EDIL3: variants seen among roughly 807,000 people sequenced by gnomAD.
The protein encoded by EDIL3 is EGF like and discoidin domains 3.
Under a neutral mutation model 67.4 loss-of-function variants are expected in EDIL3, and 37 were observed. The ratio of observed to expected loss-of-function variants is 0.55; its 90% confidence interval spans 0.42 to 0.72. EDIL3 has a LOEUF of 0.72. Among genes scored for constraint, EDIL3 ranks in the 30% least tolerant of loss-of-function variants. The probability of loss-of-function intolerance (pLI) is 0.00; values close to 1 mark genes in which losing one functional copy is unlikely to be tolerated. For missense variants in EDIL3, 527 were observed against 586.3 expected, an observed-to-expected ratio of 0.90 and a Z score of 1.04; for synonymous variants, 195 against 196.3, an observed-to-expected ratio of 0.99 and a Z score of 0.05.
chr5:84,346,135 C>CTTTTTTTTTTTT (rs912729041), intron 1 of EDIL3, among the ~76,000 whole-genome samples: 3 of 122,906 alleles, frequency 2.4e-5, no homozygotes, highest in Non-Finnish European at 4.9e-5. Context: ...CTTTTTTTTT[C>CTTTTTTTTTTTT]TTTTTTTTTT....
At chr5:84,383,261 C>G (rs1417378293) in intron 1 of EDIL3, among the ~76,000 whole-genome samples, 1 of 152,086 alleles carries the variant, frequency 6.6e-6, no homozygotes, top group Non-Finnish European at 1.5e-5. Context: ...ACAGCTCCCA[C>G]TCGCCTCCCC....
At chr5:83,943,756 A>C (rs1178622501) in intron 10 of EDIL3, among the ~76,000 whole-genome samples, 188 bp from the exon 11 acceptor site, 1 of 152,082 alleles carries the variant, frequency 6.6e-6, no homozygotes. Context: ...TTAATGTTTA[A>C]AGAGTTAAAC....
At chr5:84,030,720 A>G (rs1156595239) in intron 9 of EDIL3, among the ~76,000 whole-genome samples, 3 of 152,158 alleles carry the variant, frequency 2.0e-5, no homozygotes, top group Non-Finnish European at 2.9e-5. Context: ...AAGGGCTGGG[A>G]AGCAATCACA....
chr5:83,942,068 C>G lies in EDIL3; in HGVS notation c.*1351G>C, dbSNP rs1010966972. ...TAATTTAAAACTCCAATAATTCTGT[C>G]TAAGCCTTATAAAATAAATACTTGT... On this transcript the variant is annotated 3_prime_UTR_variant, in exon 11 of 11. Coordinates refer to ENST00000296591, the MANE Select transcript of EDIL3 (RefSeq NM_005711.5). 6.6e-6 allele frequency: 1 copy of G among 151,970 alleles called. No homozygotes were observed. The highest frequency in any genetic ancestry group is 6.6e-5 in the Admixed American group (1 of 15,240). The allele number at this position is 151,970 out of a possible 1,614,324, so 9.4% of individuals were successfully genotyped here.
intron 6 of EDIL3, among the ~76,000 whole-genome samples, chr5:84,083,530 T>A (rs944849334): frequency 6.6e-6 from 1 of 152,182 alleles, no homozygotes; most frequent in Non-Finnish European, 1.5e-5. Flanking sequence ...AAGAGCAAGA[T>A]GTTTGTCTTC....
chr5:84,130,733 T>C (rs1254739852), intron 5 of EDIL3, among the ~76,000 whole-genome samples: 2 of 152,100 alleles, frequency 1.3e-5, no homozygotes, highest in Non-Finnish European at 2.9e-5. Flanking sequence ...AAACATTCAT[T>C]TGCTTGTCAT....
chr5:84,381,614 A>T (rs1748075938), intron 1 of EDIL3, among the ~76,000 whole-genome samples: 1 of 152,188 alleles, frequency 6.6e-6, no homozygotes, highest in Admixed American at 6.5e-5. Context: ...AAAAAAAGAA[A>T]ATGCAAATGC....
intron 9 of EDIL3, among the ~76,000 whole-genome samples, chr5:83,985,572 T>C (rs1242264361): frequency 6.6e-6 from 1 of 152,018 alleles, no homozygotes; most frequent in East Asian, 1.9e-4. Context: ...CTAAAATTTC[T>C]TGCTTATCTC....
At chr5:84,197,410 G>A (rs773183672) in intron 3 of EDIL3, among the ~76,000 whole-genome samples, 1 of 151,898 alleles carries the variant, frequency 6.6e-6, no homozygotes, top group Admixed American at 6.6e-5. Flanking sequence ...ACAGAAGAGG[G>A]AAATAACATG....
At chr5:84,178,406 G>C (rs1363164482) in intron 4 of EDIL3, among the ~76,000 whole-genome samples, 1 of 152,108 alleles carries the variant, frequency 6.6e-6, no homozygotes, top group Non-Finnish European at 1.5e-5. Flanking sequence ...AGCAATCCTT[G>C]CAAGAGTTTA....
chr5:84,310,198 A>G (rs1464250196), intron 1 of EDIL3, among the ~76,000 whole-genome samples: 1 of 152,248 alleles, frequency 6.6e-6, no homozygotes, highest in Non-Finnish European at 1.5e-5. Context: ...TTTAGAAAAT[A>G]CTTTTCAGCT....
intron 1 of EDIL3, among the ~76,000 whole-genome samples, chr5:84,376,998 A>C (rs1747980740): frequency 6.6e-6 from 1 of 152,234 alleles, no homozygotes. Context: ...TTAAAATTAA[A>C]GTTCATATAG....
intron 1 of EDIL3, among the ~76,000 whole-genome samples, chr5:84,370,595 G>A (rs148346706): frequency 7.2e-5 from 11 of 152,214 alleles, no homozygotes; most frequent in Non-Finnish European, 1.0e-4. Context: ...AATAAATAAA[G>A]TTTACTGTCT....
chr5:84,384,385 C>A lies in EDIL3; in HGVS notation c.-11G>T. On this transcript the variant is annotated 5_prime_UTR_variant, in exon 1 of 11. Coordinates refer to ENST00000296591, the MANE Select transcript of EDIL3 (RefSeq NM_005711.5). ...TACCGAGCGCTTCATGATCCCGTCT[C>A]CCGGACGTGACCCCGGCTGGTCAGG... is the stretch of plus-strand genomic sequence containing the variant. 1 of 1,612,234 alleles carries A rather than the reference C, an allele frequency of 6.2e-7. No homozygotes were observed. Among genetic ancestry groups the A allele is most frequent in the African/African-American group, 1.3e-5 (1 of 74,928 alleles).
chr5:84,207,308 A>G (rs1239297389), intron 3 of EDIL3, among the ~76,000 whole-genome samples: 3 of 152,206 alleles, frequency 2.0e-5, no homozygotes, highest in South Asian at 2.1e-4. Context: ...TACTTCAAAG[A>G]GAATAAAATA....
Position 84,106,800 on chromosome 5 carries a change from C to A in EDIL3, c.500G>T (p.Gly167Val), listed in dbSNP as rs1462366257. Reference sequence around the variant, plus strand: ...TGTGATTTGCTGGTTTGATATAATTCCACCTTCAATTCCCAGTGGGCCTGA... The same window carrying A: ...TGTGATTTGCTGGTTTGATATAATTACACCTTCAATTCCCAGTGGGCCTGA... Reference protein sequence around the residue: ...KCSGPLGIEGGIISNQQITAS... With the variant: ...KCSGPLGIEGVIISNQQITAS... The change falls in exon 6 of 11, where the codon GGA becomes GTA. Residue 167 changes from glycine (G) to valine (V), a missense_variant. By Grantham distance (109) the Gly-to-Val change is moderately radical. This residue lies in a region of EDIL3 where 494 missense variants were observed against 522.5 expected (regional missense o/e 0.95). Transcript: ENST00000296591. 6.2e-7 allele frequency: 1 copy of A among 1,609,240 alleles called. No homozygotes were observed. Among genetic ancestry groups the A allele is most frequent in the East Asian group, 2.2e-5 (1 of 44,806 alleles).
intron 1 of EDIL3, among the ~76,000 whole-genome samples, chr5:84,355,389 T>C (rs1015913153): frequency 6.6e-6 from 1 of 152,066 alleles, no homozygotes; most frequent in African/African-American, 2.4e-5. Flanking sequence ...TCCTCTAACC[T>C]TTTTTAAAGG....
chr5:83,963,270 G>A lies in EDIL3; in HGVS notation c.1228C>T (p.Leu410=). 1 of 1,610,238 alleles carries A rather than the reference G, an allele frequency of 6.2e-7. No individual in the cohort carries two copies. Among genetic ancestry groups the A allele is most frequent in the East Asian group, 2.2e-5 (1 of 44,608 alleles). Reference sequence around the variant, plus strand: ...TGTTCTCCATCATTGCTGTAAGCCAGTTTGTAGGAGCCAACAAACTGTACA... The same window carrying A: ...TGTTCTCCATCATTGCTGTAAGCCAATTTGTAGGAGCCAACAAACTGTACA... The part of the protein sequence containing the change: ...GHVQFVGSYK[L]AYSNDGEHWT... Residue 410 remains leucine (L), a synonymous_variant, in exon 10 of 11, where the codon CTG becomes TTG. Transcript: ENST00000296591.
intron 4 of EDIL3, among the ~76,000 whole-genome samples, chr5:84,169,760 T>C (rs1378741264): frequency 6.6e-6 from 1 of 152,054 alleles, no homozygotes; most frequent in African/African-American, 2.4e-5. Flanking sequence ...CCATGGTATG[T>C]ATGTACCACA....
Sources: gnomAD v4.1 joint callset for allele counts (sites outside exome capture counted in the v4.1 genomes callset) on GRCh38, gnomAD v4.1.1 for gene constraint, gnomAD v4.1.1 regional missense constraint, MANE v1.5 for transcripts, NCBI Gene and HGNC (gene_info 2026-07-23, HGNC 2026-07-21) for gene names.